MCCC2: variants seen among roughly 807,000 people sequenced by gnomAD.
MCCC2 encodes the protein methylcrotonoyl-CoA carboxylase beta chain, mitochondrial.
In MCCC2, 52 loss-of-function variants were observed where a neutral mutation model predicts 77.2. The observed-to-expected ratio is 0.67, with a 90% CI of 0.54 to 0.85. MCCC2 has a LOEUF of 0.85. MCCC2 is among the 40% of genes least tolerant of loss of function. The pLI is 0.00. For synonymous variants in MCCC2, 253 were observed against 248.4 expected (o/e 1.02, Z -0.18); for missense variants, 682 against 703.2 (o/e 0.97, Z 0.34).
At chr5:71,612,681 C>A (rs1406592221) in intron 6 of MCCC2, among the ~76,000 whole-genome samples, 2 of 152,146 alleles carry the variant, frequency 1.3e-5, no homozygotes, top group Non-Finnish European at 2.9e-5. Flanking sequence ...TTATAGCTTA[C>A]CTTTTATTAG....
chr5:71,603,547 T>G (rs1745538656), intron 5 of MCCC2, among the ~76,000 whole-genome samples: 1 of 152,156 alleles, frequency 6.6e-6, no homozygotes, highest in Non-Finnish European at 1.5e-5. Flanking sequence ...TGTTTTGTGT[T>G]TTTCTGTGAA....
intron 11 of MCCC2, 34 bp downstream of exon 11, chr5:71,641,109 T>C (rs1747110611): frequency 1.3e-6 from 2 of 1,574,472 alleles, no homozygotes; most frequent in African/African-American, 1.3e-5. Context: ...TACGAACATT[T>C]TCTGCTGCTT....
chr5:71,628,818 C>G (rs1382614091), intron 7 of MCCC2, among the ~76,000 whole-genome samples: 1 of 152,132 alleles, frequency 6.6e-6, no homozygotes, highest in African/African-American at 2.4e-5. Flanking sequence ...CATTTGTATA[C>G]TTCTATATGC....
chr5:71,595,874 T>C (rs1419468742), intron 2 of MCCC2, among the ~76,000 whole-genome samples: 1 of 152,210 alleles, frequency 6.6e-6, no homozygotes. Context: ...ATCATGGAAG[T>C]AATTTCTAAA....
chr5:71,611,242 A>G (rs937297206), intron 6 of MCCC2, among the ~76,000 whole-genome samples: 10 of 152,136 alleles, frequency 6.6e-5, no homozygotes, highest in African/African-American at 2.4e-4. Flanking sequence ...CTCTACAAAA[A>G]AATAAAAAAT....
chr5:71,650,050 C>T lies in MCCC2; in HGVS notation c.1374-19C>T. On this transcript the variant is annotated intron_variant, in intron 14 of 16. Transcript: ENST00000340941. ...TGTATATTGACTTAATTTGTTTATT[C>T]TTCCTTTTCTTCCCCCAGCCCAAGA... is the stretch of plus-strand genomic sequence containing the variant. 2 of 1,588,164 alleles carry T rather than the reference C, an allele frequency of 1.3e-6. No homozygotes were observed. Among genetic ancestry groups the T allele is most frequent in the Non-Finnish European group, 1.7e-6 (2 of 1,156,466 alleles).
chr5:71,613,961 T>A (rs1746062064), intron 6 of MCCC2, among the ~76,000 whole-genome samples: 1 of 151,086 alleles, frequency 6.6e-6, no homozygotes, highest in African/African-American at 2.4e-5. Flanking sequence ...GTTCATATTA[T>A]ATATCTAATT....
rs760189073 is a variant in MCCC2 at position 71,652,756 on chromosome 5, T to TG, written c.1574+7dup. On this transcript the variant is annotated splice_region_variant and intron_variant, in intron 16 of 16. Transcript: ENST00000340941. ...AAACCCTTACTATTCCAGCGCAAGG[T>TG]GGGGGCCAGAACATCACTAACTCTC... 4 of 1,613,864 alleles carry TG rather than the reference T, an allele frequency of 2.5e-6. No individual in the cohort carries two copies. Among genetic ancestry groups the TG allele is most frequent in the Admixed American group, 1.7e-5 (1 of 60,016 alleles).
intron 6 of MCCC2, among the ~76,000 whole-genome samples, chr5:71,623,297 T>C (rs1746418746): frequency 6.6e-6 from 1 of 152,152 alleles, no homozygotes; most frequent in African/African-American, 2.4e-5. Context: ...CTGGGCGCAG[T>C]GTAGCTCTGG....
At chr5:71,598,926 A>ATT (rs36035922) in intron 3 of MCCC2, among the ~76,000 whole-genome samples, 36 of 147,148 alleles carry the variant, frequency 2.4e-4, no homozygotes, top group East Asian at 1.0e-3. Flanking sequence ...TGTGTTGAAA[A>ATT]TTTTTTTTTT....
chr5:71,609,070 A>G (rs1348477430), intron 6 of MCCC2, among the ~76,000 whole-genome samples: 5 of 152,040 alleles, frequency 3.3e-5, no homozygotes, highest in Admixed American at 6.6e-5. Flanking sequence ...CTCGAGGAGT[A>G]TCTTTGTGGT....
rs1561850743 is a variant in MCCC2, at chr5:71,656,722, CT to C, written c.1575-14del. 6.3e-7 allele frequency: 1 copy of C among 1,589,276 alleles called. No homozygotes were observed. The highest frequency in any genetic ancestry group is 8.6e-7 in the Non-Finnish European group (1 of 1,157,472). ...GTAGTTTGGTGGTAAATTCATAACT[CT>C]TTTTTTGTTCTTTTGTCAGGGTATG... On this transcript the variant is annotated intron_variant, in intron 16 of 16. Coordinates refer to ENST00000340941, the MANE Select transcript of MCCC2 (RefSeq NM_022132.5).
chr5:71,606,034 C>T (rs1745661909), intron 6 of MCCC2, among the ~76,000 whole-genome samples: 1 of 152,142 alleles, frequency 6.6e-6, no homozygotes, highest in Admixed American at 6.6e-5. Flanking sequence ...GTTCTTTTGG[C>T]TTAGGATTGC....
chr5:71,632,397 G>A (rs1299357142), intron 8 of MCCC2, among the ~76,000 whole-genome samples: 1 of 152,168 alleles, frequency 6.6e-6, no homozygotes, highest in African/African-American at 2.4e-5. Flanking sequence ...GGAGAGACAG[G>A]TTTCTTATTT....
chr5:71,643,664 G>T, intron 11 of MCCC2, 155 bp from the exon 12 acceptor site: 2 of 1,457,266 alleles, frequency 1.4e-6, no homozygotes, highest in South Asian at 1.2e-5. Flanking sequence ...GGAACAAGAA[G>T]ATTGTGACAT....
intron 4 of MCCC2, among the ~76,000 whole-genome samples, chr5:71,601,942 A>C (rs1745453472): frequency 6.6e-6 from 1 of 152,224 alleles, no homozygotes; most frequent in South Asian, 2.1e-4. Context: ...AGTATATTAA[A>C]GTTTGCATTC....
Position 71,658,130 on chromosome 5 carries a change from G to A in MCCC2, c.*1270G>A, listed in dbSNP as rs955832722. ...TTACTCCCTTCAGTGATTTCTTGTA[G>A]AAGTGCCAATCCCTGAATGCCACCA... is the stretch of plus-strand genomic sequence containing the variant. On this transcript the variant is annotated 3_prime_UTR_variant, in exon 17 of 17. Transcript: ENST00000340941. 2.0e-5 allele frequency: 3 copies of A among 152,132 alleles called. No homozygotes were observed. Among genetic ancestry groups the A allele is most frequent in the South Asian group, 4.2e-4 (2 of 4,816 alleles). 9.4% of individuals were successfully genotyped at this position (152,132 alleles called of 1,614,324 possible).
intron 6 of MCCC2, among the ~76,000 whole-genome samples, chr5:71,621,443 ATTATTAG>A (rs1202282631): frequency 1.3e-5 from 2 of 152,188 alleles, no homozygotes; most frequent in Non-Finnish European, 2.9e-5. Flanking sequence ...AATGACAAGG[ATTATTAG>A]TTGGGCGTGG....
intron 6 of MCCC2, among the ~76,000 whole-genome samples, chr5:71,618,285 G>A (rs1223724422): frequency 6.6e-6 from 1 of 152,068 alleles, no homozygotes; most frequent in Admixed American, 6.5e-5. Flanking sequence ...CCTCATGGAT[G>A]GATTAATGCT....
Sources: gnomAD v4.1 joint callset for allele counts (sites outside exome capture counted in the v4.1 genomes callset) on GRCh38, gnomAD v4.1.1 for gene constraint, MANE v1.5 for transcripts, NCBI Gene and HGNC (gene_info 2026-07-23, HGNC 2026-07-21) for gene names.